SYNDIG1: variants seen among roughly 807,000 people sequenced by gnomAD.
SYNDIG1 encodes synapse differentiation-inducing gene protein 1.
In SYNDIG1, 9 loss-of-function variants were observed where a neutral mutation model predicts 19.4. That is an observed-to-expected ratio of 0.46 (90% CI 0.28 to 0.81). The LOEUF (loss-of-function observed/expected upper bound fraction) is 0.81, where lower values mean the gene tolerates loss of function less well. Among genes scored for constraint, SYNDIG1 ranks in the 30% least tolerant of loss-of-function variants. SYNDIG1 has a pLI of 0.12. For synonymous variants in SYNDIG1, 141 were observed against 145.9 expected (o/e 0.97, Z 0.24); for missense variants, 311 against 343.3 (o/e 0.91, Z 0.74).
At chr20:24,474,238 C>A (rs2055553137) in intron 1 of SYNDIG1, among the ~76,000 whole-genome samples, 1 of 152,172 alleles carries the variant, frequency 6.6e-6, no homozygotes, top group Non-Finnish European at 1.5e-5. Flanking sequence ...CCACCACCCT[C>A]CATTTATAAT....
At chr20:24,578,954 G>C (rs1241231830) in intron 2 of SYNDIG1, among the ~76,000 whole-genome samples, 1 of 152,212 alleles carries the variant, frequency 6.6e-6, no homozygotes, top group African/African-American at 2.4e-5. Context: ...CCCTTGCCTC[G>C]AGAGTGAGAG....
chr20:24,538,759 A>G (rs1271624416), intron 1 of SYNDIG1, among the ~76,000 whole-genome samples: 1 of 132,748 alleles, frequency 7.5e-6, no homozygotes, highest in Admixed American at 7.9e-5. Context: ...CCTCACCAAC[A>G]CTTGTTATTT....
intron 3 of SYNDIG1, among the ~76,000 whole-genome samples, chr20:24,616,565 G>T (rs898245641): frequency 6.6e-6 from 1 of 152,250 alleles, no homozygotes; most frequent in Non-Finnish European, 1.5e-5. Flanking sequence ...TCTGGGTTCA[G>T]CAGAAGGAAG....
At chr20:24,657,345 G>A (rs1568720250) in intron 3 of SYNDIG1, among the ~76,000 whole-genome samples, 1 of 152,180 alleles carries the variant, frequency 6.6e-6, no homozygotes, top group Non-Finnish European at 1.5e-5. Context: ...GGCTGGCCTT[G>A]AGGACAAGGA....
intron 1 of SYNDIG1, among the ~76,000 whole-genome samples, chr20:24,507,455 G>A (rs2056620776): frequency 6.6e-6 from 1 of 152,244 alleles, no homozygotes; most frequent in African/African-American, 2.4e-5. Context: ...TCCGGAAGGA[G>A]CTGTGATGAG....
intron 3 of SYNDIG1, among the ~76,000 whole-genome samples, chr20:24,640,937 G>A (rs2147337998): frequency 6.6e-6 from 1 of 152,346 alleles, no homozygotes; most frequent in South Asian, 2.1e-4. Flanking sequence ...ACTCCAAAGT[G>A]TCCATTCATT....
At chr20:24,567,629 C>T (rs2058071985) in intron 2 of SYNDIG1, among the ~76,000 whole-genome samples, 3 of 152,230 alleles carry the variant, frequency 2.0e-5, no homozygotes, top group Admixed American at 2.0e-4. Flanking sequence ...GTCTTAGCTT[C>T]CAAGCACCGC....
chr20:24,590,264 C>T (rs907022411), intron 3 of SYNDIG1, among the ~76,000 whole-genome samples: 4 of 148,376 alleles, frequency 2.7e-5, no homozygotes, highest in African/African-American at 1.0e-4. Flanking sequence ...GCACGTGGGG[C>T]AGGTGGGGCC....
chr20:24,554,202 T>G (rs941864066), intron 2 of SYNDIG1, among the ~76,000 whole-genome samples: 10 of 152,202 alleles, frequency 6.6e-5, no homozygotes, highest in Admixed American at 3.3e-4. Flanking sequence ...AAGGAGATTT[T>G]GGGCTGAGAC....
intron 2 of SYNDIG1, among the ~76,000 whole-genome samples, chr20:24,550,994 GCTCTAGT>G: frequency 6.6e-6 from 1 of 152,206 alleles, no homozygotes; most frequent in South Asian, 2.1e-4. Flanking sequence ...TCTTTTCTGG[GCTCTAGT>G]ATGAAGGTAA....
At chr20:24,495,835 TTTTTA>T (rs1361234584) in intron 1 of SYNDIG1, 1 of 152,202 alleles carries the variant, frequency 6.6e-6, no homozygotes, top group Non-Finnish European at 1.5e-5. Context: ...TCTGTTTTTA[TTTTTA>T]TTTTATTTAT....
intron 2 of SYNDIG1, among the ~76,000 whole-genome samples, chr20:24,565,122 A>G (rs1296293071): frequency 6.6e-6 from 1 of 152,204 alleles, no homozygotes; most frequent in East Asian, 1.9e-4. Context: ...CATGTAGGCA[A>G]AAAGTAAGCC....
At chr20:24,557,402 C>T (rs1309679465) in intron 2 of SYNDIG1, among the ~76,000 whole-genome samples, 1 of 152,134 alleles carries the variant, frequency 6.6e-6, no homozygotes, top group Non-Finnish European at 1.5e-5. Context: ...AGTTTCCAGT[C>T]TTTCTGCTCT....
chr20:24,508,416 A>G (rs2056658415), intron 1 of SYNDIG1, among the ~76,000 whole-genome samples: 1 of 132,766 alleles, frequency 7.5e-6, no homozygotes, highest in African/African-American at 2.8e-5. Flanking sequence ...TTTAGTAGAG[A>G]CGGAGTTTCA....
intron 3 of SYNDIG1, among the ~76,000 whole-genome samples, chr20:24,624,699 C>A (rs888890164): frequency 6.6e-6 from 1 of 152,140 alleles, no homozygotes; most frequent in African/African-American, 2.4e-5. Context: ...ATCAACTTGA[C>A]CTTATTAACA....
At chr20:24,550,121 G>C (rs1263402726) in intron 2 of SYNDIG1, among the ~76,000 whole-genome samples, 2 of 152,146 alleles carry the variant, frequency 1.3e-5, no homozygotes. Flanking sequence ...AGATATCCAG[G>C]CTTGAGGATG....
At chr20:24,512,648 T>C (rs1306002992) in intron 1 of SYNDIG1, among the ~76,000 whole-genome samples, 2 of 151,976 alleles carry the variant, frequency 1.3e-5, no homozygotes, top group Admixed American at 6.6e-5. Context: ...GAAGCTCAAA[T>C]TGGGTGGAGC....
intron 1 of SYNDIG1, among the ~76,000 whole-genome samples, chr20:24,484,675 A>G (rs894193450): frequency 6.6e-6 from 1 of 152,198 alleles, no homozygotes; most frequent in African/African-American, 2.4e-5. Context: ...AGATACTAAA[A>G]AACAAAATAC....
At chr20:24,542,876 A>G (rs2057494252) in intron 1 of SYNDIG1, 144 bp from the exon 2 acceptor site, 1 of 635,972 alleles carries the variant, frequency 1.6e-6, no homozygotes, top group East Asian at 2.9e-5. Context: ...TTCACTGAAT[A>G]GGTAGGACTG....
Sources: gnomAD v4.1 joint callset for allele counts (sites outside exome capture counted in the v4.1 genomes callset) on GRCh38, gnomAD v4.1.1 for gene constraint, MANE v1.5 for transcripts, NCBI Gene and HGNC (gene_info 2026-07-23, HGNC 2026-07-21) for gene names.